Variants in PTPRT observed in about 807,000 individuals in gnomAD.
PTPRT encodes receptor-type tyrosine-protein phosphatase T.
In PTPRT, 56 loss-of-function variants were observed where a neutral mutation model predicts 176.8. The observed-to-expected ratio is 0.32, with a 90% CI of 0.26 to 0.40. The LOEUF (loss-of-function observed/expected upper bound fraction) is 0.40. Ranked by LOEUF, PTPRT falls within the 10% of genes least tolerant of loss-of-function variation. The probability of loss-of-function intolerance (pLI) is 1.00; values close to 1 mark genes in which losing one functional copy is unlikely to be tolerated. For missense variants in PTPRT, 1,540 were observed against 1,908.2 expected (o/e 0.81, Z 3.60); for synonymous variants, 783 against 739.0 (o/e 1.06, Z -0.96).
chr20:43,136,318 GT>G (rs1399994001), intron 1 of PTPRT, among the ~76,000 whole-genome samples: 1 of 152,146 alleles, frequency 6.6e-6, no homozygotes, highest in East Asian at 1.9e-4. Flanking sequence ...AAATTTGCAT[GT>G]TGCCTCCTTC....
At chr20:43,091,211 C>T (rs1375122589) in intron 1 of PTPRT, among the ~76,000 whole-genome samples, 4 of 151,616 alleles carry the variant, frequency 2.6e-5, no homozygotes, top group South Asian at 2.1e-4. Context: ...CCAGCCTGGG[C>T]GACGGAGATT....
chr20:42,110,500 CG>C lies in PTPRT; in HGVS notation c.3100-14del, dbSNP rs762747772. The C allele has an allele frequency of 1.7e-4, 269 of 1,588,170 alleles. No individual in the cohort carries two copies. Among genetic ancestry groups the C allele is most frequent in the Non-Finnish European group, 2.2e-4 (260 of 1,164,304 alleles). On this transcript the variant is annotated splice_polypyrimidine_tract_variant and intron_variant, in intron 22 of 30. Coordinates refer to ENST00000373187, the MANE Select transcript of PTPRT (RefSeq NM_007050.6). ...CATGGTAGCCTTTCTGAGGAAAGAA[CG>C]GGCCTCTGTTCTTCCAGCTGCTGCC...
chr20:42,999,695 T>G (rs2146126113), intron 1 of PTPRT, among the ~76,000 whole-genome samples: 1 of 152,046 alleles, frequency 6.6e-6, no homozygotes, highest in South Asian at 2.1e-4. Context: ...TAGTCCTAGC[T>G]ACTTAGGAGG....
At chr20:42,451,067 G>A (rs2145860972) in intron 8 of PTPRT, among the ~76,000 whole-genome samples, 1 of 152,238 alleles carries the variant, frequency 6.6e-6, no homozygotes, top group Admixed American at 6.5e-5. Context: ...TTGTGAGGTT[G>A]AGGGTGGAAG....
chr20:42,578,191 A>C (rs1033984302), intron 7 of PTPRT, among the ~76,000 whole-genome samples: 3 of 152,086 alleles, frequency 2.0e-5, no homozygotes, highest in Non-Finnish European at 2.9e-5. Context: ...CTACGAGTTG[A>C]GATTAGGATT....
At chr20:42,407,946 C>T (rs891465671) in intron 9 of PTPRT, among the ~76,000 whole-genome samples, 1 of 152,000 alleles carries the variant, frequency 6.6e-6, no homozygotes, top group Non-Finnish European at 1.5e-5. Flanking sequence ...TGGTTCTAAA[C>T]TTAAAAAGAT....
chr20:42,798,282 G>C (rs1338974851), intron 2 of PTPRT, among the ~76,000 whole-genome samples: 1 of 152,094 alleles, frequency 6.6e-6, no homozygotes, highest in African/African-American at 2.4e-5. Context: ...TTTTAAACAG[G>C]ATCTAATTTA....
chr20:42,530,686 C>T (rs147411228), intron 7 of PTPRT, among the ~76,000 whole-genome samples: 7 of 152,246 alleles, frequency 4.6e-5, no homozygotes, highest in African/African-American at 7.2e-5. Context: ...CTTTCTGATC[C>T]GGTGGTTTGT....
In PTPRT at chr20:42,128,842, G is replaced by T. The variant is rs200867894; in HGVS notation, c.2771-12C>A. 2.3e-4 allele frequency: 374 copies of T among 1,597,648 alleles called. 1 individual carries two copies. Among genetic ancestry groups the T allele is most frequent in the Middle Eastern group, 1.2e-3 (7 of 6,000 alleles). On this transcript the variant is annotated splice_polypyrimidine_tract_variant and intron_variant, in intron 18 of 30. Coordinates refer to ENST00000373187, the MANE Select transcript of PTPRT (RefSeq NM_007050.6). ...CCGGGAATGGTCGTCTGCAGAGAGA[G>T]CAGAAATCAAGGGGATGGTTGATAA... is the stretch of plus-strand genomic sequence containing the variant.
At chr20:42,963,196 C>A (rs1982102677) in intron 1 of PTPRT, among the ~76,000 whole-genome samples, 1 of 149,382 alleles carries the variant, frequency 6.7e-6, no homozygotes, top group African/African-American at 2.5e-5. Flanking sequence ...AAGACTCCGT[C>A]TCAAAAAAAA....
intron 15 of PTPRT, among the ~76,000 whole-genome samples, chr20:42,221,151 G>A (rs2055878004): frequency 6.6e-6 from 1 of 151,926 alleles, no homozygotes; most frequent in South Asian, 2.1e-4. Flanking sequence ...TTACAGGCAT[G>A]CACCATCACA....
intron 1 of PTPRT, among the ~76,000 whole-genome samples, chr20:43,055,132 G>T (rs547850636): frequency 1.3e-5 from 2 of 152,030 alleles, no homozygotes; most frequent in Non-Finnish European, 2.9e-5. Flanking sequence ...ATTACCTTGG[G>T]CCTAACATTA....
chr20:42,231,130 T>C (rs539339192), intron 15 of PTPRT, among the ~76,000 whole-genome samples: 57 of 143,952 alleles, frequency 4.0e-4, no homozygotes, highest in African/African-American at 1.5e-3. Flanking sequence ...CAGCCTGGAA[T>C]AGCTACCACT....
At chr20:42,350,828 G>A in intron 10 of PTPRT, 98 bp from the exon 11 acceptor site, 1 of 895,564 alleles carries the variant, frequency 1.1e-6, no homozygotes, top group Non-Finnish European at 1.8e-6. Context: ...AGCATGGATA[G>A]AGGGAGGACG....
chr20:42,855,443 T>TC (rs2078544964), intron 2 of PTPRT, among the ~76,000 whole-genome samples: 3 of 139,830 alleles, frequency 2.1e-5, no homozygotes, highest in Non-Finnish European at 4.5e-5. Flanking sequence ...TTTTTTTTTT[T>TC]TTTTTTTTGG....
intron 6 of PTPRT, among the ~76,000 whole-genome samples, chr20:42,688,819 T>C (rs1200487476): frequency 1.3e-5 from 2 of 152,158 alleles, no homozygotes; most frequent in African/African-American, 2.4e-5. Context: ...CTGGGAGATA[T>C]CATATTCTGC....
At chr20:42,481,413 AT>A (rs2071382888) in intron 7 of PTPRT, among the ~76,000 whole-genome samples, 1 of 152,142 alleles carries the variant, frequency 6.6e-6, no homozygotes, top group Admixed American at 6.6e-5. Context: ...TTTTAAAACC[AT>A]TTTGGCCAAC....
At chr20:43,097,283 C>A (rs77239749) in intron 1 of PTPRT, among the ~76,000 whole-genome samples, 53 of 152,220 alleles carry the variant, frequency 3.5e-4, no homozygotes, top group African/African-American at 1.3e-3. Context: ...TCAGGAAGGT[C>A]GCCTAACCTC....
At chr20:42,198,369 T>C (rs952105931) in intron 16 of PTPRT, among the ~76,000 whole-genome samples, 1 of 152,224 alleles carries the variant, frequency 6.6e-6, no homozygotes, top group Admixed American at 6.5e-5. Flanking sequence ...TGATCATCTC[T>C]TGAGTGATTT....
Sources: gnomAD v4.1 joint callset for allele counts (sites outside exome capture counted in the v4.1 genomes callset) on GRCh38, gnomAD v4.1.1 for gene constraint, MANE v1.5 for transcripts, NCBI Gene and HGNC (gene_info 2026-07-23, HGNC 2026-07-21) for gene names.